Variants in ASB18 observed in about 807,000 individuals in gnomAD.
ASB18 encodes ankyrin repeat and SOCS box containing 18.
In ASB18, 33 loss-of-function variants were observed where a neutral mutation model predicts 33.4. The observed-to-expected ratio is 0.99, with a 90% CI of 0.75 to 1.32. ASB18 has a LOEUF of 1.32. ASB18 is among the 40% of genes most tolerant of loss of function. The pLI is 0.00. For synonymous variants in ASB18, 295 were observed against 307.6 expected, an observed-to-expected ratio of 0.96 and a Z score of 0.43; for missense variants, 694 against 655.5, an observed-to-expected ratio of 1.06 and a Z score of -0.64.
rs2060553585 is a variant in ASB18 at position 236,229,106 on chromosome 2, G to T, written c.596+8583C>A. ...ATAAATAAATAAATGACACAGAAAT[G>T]ACATAGGTGATAGAATTAGTAGGCA... On this transcript the variant is annotated intron_variant, in intron 3 of 5. Transcript: ENST00000409749. This position sits in a 1 kb window ranked among gnomAD's most constrained non-coding sequence, Gnocchi z 5.2. 6.6e-6 allele frequency among the ~76,000 whole-genome samples: 1 copy of T among 152,110 alleles called. No individual in the cohort carries two copies. The highest frequency in any genetic ancestry group is 6.6e-5 in the Admixed American group (1 of 15,266).
chr2:236,241,294 G>A lies in ASB18; in HGVS notation c.314C>T (p.Thr105Met), dbSNP rs374387443. The change falls in exon 2 of 6, where the codon ACG becomes ATG. Residue 105 changes from threonine (T) to methionine (M), a missense_variant. Coordinates refer to ENST00000409749, the MANE Select transcript of ASB18 (RefSeq NM_212556.4). The surrounding 1 kb of genome is among the most constrained non-coding windows in gnomAD (Gnocchi z 4.2). ...EMEWQVKSPA[T>M]FGLSGLWTLE... ...AACAAGGGTACCTGATAGTCCAAAC[G>A]TGGCTGGAGATTTCACCTGCCATTC... The A allele has an allele frequency of 3.0e-5, 48 of 1,613,640 alleles. No individual in the cohort carries two copies. Among genetic ancestry groups the A allele is most frequent in the African/African-American group, 1.6e-4 (12 of 74,994 alleles).
At position 236,195,128 on chromosome 2, in the gene ASB18, C is replaced by T. The variant is rs1225870823; in HGVS notation, c.1216-71G>A. ...AACATACGTTTTCTTCTTAGCCAGA[C>T]CACTGATGGTACAAGCGGGCTTTTC... On this transcript the variant is annotated intron_variant, in intron 5 of 5. Coordinates refer to ENST00000409749, the MANE Select transcript of ASB18 (RefSeq NM_212556.4). The surrounding 1 kb of genome is among the most constrained non-coding windows in gnomAD (Gnocchi z 5.5). The T allele has an allele frequency of 2.1e-6, 3 of 1,403,822 alleles. No individual in the cohort carries two copies. Among genetic ancestry groups the T allele is most frequent in the Non-Finnish European group, 2.9e-6 (3 of 1,024,604 alleles). The allele number at this position is 1,403,822 out of a possible 1,614,324, so 87.0% of individuals were successfully genotyped here.
At chr2:236,201,487 G>T (rs554104887) in intron 4 of ASB18, among the ~76,000 whole-genome samples, 2 of 152,184 alleles carry the variant, frequency 1.3e-5, no homozygotes, top group South Asian at 4.1e-4. Flanking sequence ...TTAAATAACT[G>T]TTGAGGCAGT....
chr2:236,237,690 C>G lies in ASB18; in HGVS notation c.595G>C (p.Gly199Arg). The stretch of plus-strand genomic sequence containing the variant: ...GCGGGCCTGTCCCGAGGTCCTTACC[C>G]GAGCGAGGCGGCCGTGCGGCAGAGG... ...LHLCRTAASL[G>R]CAQALLEHGA... is the part of the protein sequence containing the mutation. The change falls in exon 3 of 6, where the codon GGG becomes CGG. Residue 199 changes from glycine to arginine, a missense_variant and splice_region_variant. By Grantham distance (125) the Gly-to-Arg change is moderately radical. Transcript: ENST00000409749. This position sits in a 1 kb window ranked among gnomAD's most constrained non-coding sequence, Gnocchi z 6.2. 1 of 1,448,412 alleles carries G rather than the reference C, an allele frequency of 6.9e-7. No individual in the cohort carries two copies. The allele number at this position is 1,448,412 out of a possible 1,614,324, so 89.7% of individuals were successfully genotyped here. A position where few individuals can be genotyped will look rare whatever the true frequency, so the allele number is the denominator to read the frequency against.
rs1345936988 is a variant in ASB18, at chr2:236,217,958, G to A, written c.597-3092C>T. Among the ~76,000 whole-genome samples the A allele has an allele frequency of 6.6e-6, 1 of 152,186 alleles. No homozygotes were observed. The highest frequency in any genetic ancestry group is 2.4e-5 in the African/African-American group (1 of 41,426). On this transcript the variant is annotated intron_variant, in intron 3 of 5. Transcript: ENST00000409749. This position sits in a 1 kb window ranked among gnomAD's most constrained non-coding sequence, Gnocchi z 5.2. ...GGGTTCCTTCTCGTTTTGCCACTGA[G>A]CCTGTGTGCACTTGCAAACAATTAC...
In ASB18 at chr2:236,238,077, T is replaced by C. The variant is rs780892420; in HGVS notation, c.329-121A>G. 18 of 765,616 alleles carry C rather than the reference T, an allele frequency of 2.4e-5. No homozygotes were observed. The highest frequency in any genetic ancestry group is 3.0e-5 in the Non-Finnish European group (16 of 535,540). The allele number at this position is 765,616 out of a possible 1,614,324, so 47.4% of individuals were successfully genotyped here. On this transcript the variant is annotated intron_variant, in intron 2 of 5. Transcript: ENST00000409749. The surrounding 1 kb of genome is among the most constrained non-coding windows in gnomAD (Gnocchi z 5.2). Reference sequence around the variant, plus strand: ...CTTAAAGGTAGGTACCAGGTAGGCATGTAGGGAGAAGAGGATAGAATCAGA... The same window carrying C: ...CTTAAAGGTAGGTACCAGGTAGGCACGTAGGGAGAAGAGGATAGAATCAGA...
At chr2:236,227,072 C>A (rs1022151769) in intron 3 of ASB18, among the ~76,000 whole-genome samples, 4 of 152,104 alleles carry the variant, frequency 2.6e-5, no homozygotes, top group Admixed American at 6.5e-5. Flanking sequence ...ATACAGGATA[C>A]CATGTTGCAT....
rs2060517119 is a variant in ASB18, at chr2:236,222,509, A to C, written c.597-7643T>G. 6.6e-6 allele frequency among the ~76,000 whole-genome samples: 1 copy of C among 152,220 alleles called. No individual in the cohort carries two copies. Among genetic ancestry groups the C allele is most frequent in the Non-Finnish European group, 1.5e-5 (1 of 68,038 alleles). Reference sequence around the variant, plus strand: ...ACTGAAAAATGATTTAGTGAACAAGATTTGTACAGTCAGCTCCACTGTGTG... The same window carrying C: ...ACTGAAAAATGATTTAGTGAACAAGCTTTGTACAGTCAGCTCCACTGTGTG... On this transcript the variant is annotated intron_variant, in intron 3 of 5. Coordinates refer to ENST00000409749, the MANE Select transcript of ASB18 (RefSeq NM_212556.4). The surrounding 1 kb of genome is among the most constrained non-coding windows in gnomAD (Gnocchi z 5.5).
Position 236,257,483 on chromosome 2 carries a change from C to G in ASB18, c.205+6658G>C, listed in dbSNP as rs2060697725. On this transcript the variant is annotated intron_variant, in intron 1 of 5. Coordinates refer to ENST00000409749, the MANE Select transcript of ASB18 (RefSeq NM_212556.4). This position sits in a 1 kb window ranked among gnomAD's most constrained non-coding sequence, Gnocchi z 5.5. Reference sequence around the variant, plus strand: ...ATGATTTTTTGGGATTATTTTTGCTCAATGATTTGAAACCAGGGACTCTAT... The same window carrying G: ...ATGATTTTTTGGGATTATTTTTGCTGAATGATTTGAAACCAGGGACTCTAT... Among the ~76,000 whole-genome samples the G allele has an allele frequency of 6.6e-6, 1 of 152,128 alleles. No homozygotes were observed. The highest frequency in any genetic ancestry group is 1.5e-5 in the Non-Finnish European group (1 of 68,032).
chr2:236,240,168 T>G (rs550791115), intron 2 of ASB18, among the ~76,000 whole-genome samples: 47 of 152,326 alleles, frequency 3.1e-4, no homozygotes, highest in African/African-American at 9.9e-4. Flanking sequence ...TGTCCAGGGC[T>G]GCCGTTGGTA....
Position 236,237,974 on chromosome 2 carries a change from G to A in ASB18, c.329-18C>T. ...CCAGAGGCCTGCGGGGAGGGAGGTG[G>A]GATGTAAGGTCAGGGGGAGGTTAGT... On this transcript the variant is annotated intron_variant, in intron 2 of 5. Transcript: ENST00000409749. This position sits in a 1 kb window ranked among gnomAD's most constrained non-coding sequence, Gnocchi z 6.2. 6.7e-7 allele frequency: 1 copy of A among 1,482,802 alleles called. No individual in the cohort carries two copies. Among genetic ancestry groups the A allele is most frequent in the Non-Finnish European group, 8.9e-7 (1 of 1,124,974 alleles). The allele number at this position is 1,482,802 out of a possible 1,614,324, so 91.9% of individuals were successfully genotyped here. A position where few individuals can be genotyped will look rare whatever the true frequency, so the allele number is the denominator to read the frequency against.
In ASB18 at chr2:236,259,629, G is replaced by A. The variant is rs1434246985; in HGVS notation, c.205+4512C>T. ...GCAGAGGAGGTGCAGCCCTGGCTGGGAGGATCCTGTTGGGATGGGGATGCT... is the reference window on the plus strand; with the variant it reads ...GCAGAGGAGGTGCAGCCCTGGCTGGAAGGATCCTGTTGGGATGGGGATGCT... On this transcript the variant is annotated intron_variant, in intron 1 of 5. Coordinates refer to ENST00000409749, the MANE Select transcript of ASB18 (RefSeq NM_212556.4). The surrounding 1 kb of genome is among the most constrained non-coding windows in gnomAD (Gnocchi z 4.4). 5 of 469,780 alleles carry A rather than the reference G, an allele frequency of 1.1e-5. No homozygotes were observed. The highest frequency in any genetic ancestry group is 7.8e-5 in the South Asian group (5 of 64,364). 29.1% of individuals were successfully genotyped at this position (469,780 alleles called of 1,614,324 possible).
rs2060694432 is a variant in ASB18, at chr2:236,256,798, T to C, written c.205+7343A>G. Among the ~76,000 whole-genome samples the C allele has an allele frequency of 6.6e-6, 1 of 152,216 alleles. No homozygotes were observed. ...AGACGCGACCCTGTAGGATTTTTTT[T>C]CTTGTCCATATGCCTTTGAAGCCGG... On this transcript the variant is annotated intron_variant, in intron 1 of 5. Transcript: ENST00000409749. The surrounding 1 kb of genome is among the most constrained non-coding windows in gnomAD (Gnocchi z 4.7).
At position 236,238,152 on chromosome 2, in the gene ASB18, G is replaced by A. The variant is rs1408533364; in HGVS notation, c.329-196C>T. Among the ~76,000 whole-genome samples, 1 of 152,108 alleles carries A rather than the reference G, an allele frequency of 6.6e-6. No individual in the cohort carries two copies. Among genetic ancestry groups the A allele is most frequent in the African/African-American group, 2.4e-5 (1 of 41,424 alleles). On this transcript the variant is annotated intron_variant, in intron 2 of 5. Coordinates refer to ENST00000409749, the MANE Select transcript of ASB18 (RefSeq NM_212556.4). This position sits in a 1 kb window ranked among gnomAD's most constrained non-coding sequence, Gnocchi z 5.2. ...AGAGACACACTGGGAAGAGACAGGC[G>A]TAGACAGAGGAAGAAATACAAAGGA...
rs2060658440 is a variant in ASB18, at chr2:236,249,124, G to A, written c.206-7722C>T. The A allele has an allele frequency of 6.6e-6, 1 of 152,266 alleles. No homozygotes were observed. Among genetic ancestry groups the A allele is most frequent in the Non-Finnish European group, 1.5e-5 (1 of 68,050 alleles). 9.4% of individuals were successfully genotyped at this position (152,266 alleles called of 1,614,324 possible). A position where few individuals can be genotyped will look rare whatever the true frequency, so the allele number is the denominator to read the frequency against. ...TGTACAGTAAGAGTAACTCGTGTCA[G>A]ACAGATGTCCATTTAAGTTCCCTTT... On this transcript the variant is annotated intron_variant, in intron 1 of 5. Coordinates refer to ENST00000409749, the MANE Select transcript of ASB18 (RefSeq NM_212556.4). This position sits in a 1 kb window ranked among gnomAD's most constrained non-coding sequence, Gnocchi z 4.6.
At chr2:236,247,220 G>A (rs1295282428) in intron 1 of ASB18, 1 of 149,924 alleles carries the variant, frequency 6.7e-6, no homozygotes, top group African/African-American at 2.4e-5. Context: ...AAGCATGGCA[G>A]AGAGCTGTCT....
In ASB18 at chr2:236,211,267, C is replaced by T. The variant is rs1335262231; in HGVS notation, c.1101+3095G>A. 2.0e-5 allele frequency among the ~76,000 whole-genome samples: 3 copies of T among 152,306 alleles called. No homozygotes were observed. Among genetic ancestry groups the T allele is most frequent in the East Asian group, 1.9e-4 (1 of 5,170 alleles). ...ACAGCCTGCCCCCTATGCCTGCCCTCGGTGCCCTGTCCCTGCCCCCAGTGT... is the reference window on the plus strand; with the variant it reads ...ACAGCCTGCCCCCTATGCCTGCCCTTGGTGCCCTGTCCCTGCCCCCAGTGT... On this transcript the variant is annotated intron_variant, in intron 4 of 5. Transcript: ENST00000409749. This position sits in a 1 kb window ranked among gnomAD's most constrained non-coding sequence, Gnocchi z 5.0.
intron 1 of ASB18, chr2:236,247,863 C>T (rs1472722026): frequency 1.3e-5 from 2 of 152,154 alleles, no homozygotes; most frequent in East Asian, 3.8e-4. Context: ...CGGACAGACT[C>T]GTGATCTTGA....
Position 236,214,669 on chromosome 2 carries a change from C to T in ASB18, c.794G>A (p.Arg265Lys). The T allele has an allele frequency of 8.7e-7, 1 of 1,144,034 alleles. No homozygotes were observed. Among genetic ancestry groups the T allele is most frequent in the South Asian group, 4.1e-5 (1 of 24,352 alleles). The allele number at this position is 1,144,034 out of a possible 1,614,324, so 70.9% of individuals were successfully genotyped here. ...ALSAACGAAR[R>K]PDEHGRCLRL... ...CAGGCAGCGCCCGTGCTCGTCGGGC[C>T]TCCGCGCCGCACCGCAGGCCGCGCT... is the stretch of plus-strand genomic sequence containing the variant. The change falls in exon 4 of 6, where the codon AGG becomes AAG. Residue 265 changes from arginine to lysine, a missense_variant. By Grantham distance (26) the Arg-to-Lys change is conservative (BLOSUM62 2). Transcript: ENST00000409749. This position sits in a 1 kb window ranked among gnomAD's most constrained non-coding sequence, Gnocchi z 6.5.
Sources: allele counts gnomAD v4.1 joint callset (sites outside exome capture counted in the v4.1 genomes callset), GRCh38; gene constraint gnomAD v4.1.1; non-coding constraint Gnocchi (gnomAD v3.1); transcripts MANE v1.5; gene names NCBI Gene and HGNC (gene_info 2026-07-23, HGNC 2026-07-21).